The following HTR3B variants were observed in gnomAD, a reference collection of about 807,000 sequenced individuals.
HTR3B encodes 5-hydroxytryptamine receptor 3B.
HTR3B carries 44 observed loss-of-function variants against 42.8 expected under a neutral mutation model. The observed-to-expected ratio is 1.03, with a 90% CI of 0.81 to 1.32. HTR3B has a LOEUF of 1.32. Among genes scored for constraint, HTR3B ranks in the 40% most tolerant of loss-of-function variants. The pLI is 0.00. For synonymous variants in HTR3B, 203 were observed against 209.0 expected, an observed-to-expected ratio of 0.97 and a Z score of 0.25; for missense variants, 527 against 536.5, an observed-to-expected ratio of 0.98 and a Z score of 0.17.
At chr11:113,923,821 T>G (rs1489708985) in intron 2 of HTR3B, among the ~76,000 whole-genome samples, 1 of 152,158 alleles carries the variant, frequency 6.6e-6, no homozygotes, top group Admixed American at 6.5e-5. Context: ...AAAAAAAGAT[T>G]TTAGTTTTAG....
At chr11:113,922,884 T>G (rs1206761390) in intron 2 of HTR3B, among the ~76,000 whole-genome samples, 2 of 152,238 alleles carry the variant, frequency 1.3e-5, no homozygotes, top group African/African-American at 2.4e-5. Context: ...GCACAGTTAT[T>G]TGTTAAAATG....
chr11:113,942,167 G>T (rs1184412), intron 6 of HTR3B, among the ~76,000 whole-genome samples: 1 of 151,992 alleles, frequency 6.6e-6, no homozygotes, highest in African/African-American at 2.4e-5. Context: ...GTCAGGAGTT[G>T]GAGACCAGCC....
intron 1 of HTR3B, chr11:113,908,934 C>T (rs1397106289): frequency 1.6e-5 from 5 of 313,034 alleles, no homozygotes; most frequent in African/African-American, 8.5e-5. Flanking sequence ...TAAGTTTTGG[C>T]TAAGTGTGTA....
intron 2 of HTR3B, among the ~76,000 whole-genome samples, chr11:113,920,880 T>A (rs1415048339): frequency 6.6e-6 from 1 of 151,984 alleles, no homozygotes; most frequent in Non-Finnish European, 1.5e-5. Flanking sequence ...TGGTGCAATC[T>A]CGGCTCACTG....
In HTR3B at chr11:113,931,395, T is replaced by C; in HGVS notation, c.225T>C (p.Asn75=). 1.2e-6 allele frequency: 2 copies of C among 1,602,016 alleles called. No individual in the cohort carries two copies. The highest frequency in any genetic ancestry group is 1.7e-6 in the Non-Finnish European group (2 of 1,173,756). ...TTTTTGCCTTGCAGGATGCAGAGAA[T>C]CAAATATTAAAGACAAGTGTATGGT... is the stretch of plus-strand genomic sequence containing the variant. ...VHAILDVDAE[N]QILKTSVWYQ... is the part of the protein sequence containing the mutation. The change falls in exon 3 of 9, where the codon AAT becomes AAC. Residue 75 remains asparagine, a synonymous_variant. Coordinates refer to ENST00000260191, the MANE Select transcript of HTR3B (RefSeq NM_006028.5).
chr11:113,940,981 T>C (rs1282950778), intron 6 of HTR3B, among the ~76,000 whole-genome samples: 1 of 152,204 alleles, frequency 6.6e-6, no homozygotes, highest in Non-Finnish European at 1.5e-5. Context: ...TGGGGGCACA[T>C]CCCAGCTCTG....
chr11:113,945,899 C>G lies in HTR3B; in HGVS notation c.1091-3C>G, dbSNP rs1021750270. The G allele has an allele frequency of 4.1e-5, 66 of 1,611,210 alleles. No homozygotes were observed. Among genetic ancestry groups the G allele is most frequent in the Non-Finnish European group, 5.4e-5 (63 of 1,177,488 alleles). On this transcript the variant is annotated splice_region_variant and splice_polypyrimidine_tract_variant and intron_variant, in intron 8 of 8. Coordinates refer to ENST00000260191, the MANE Select transcript of HTR3B (RefSeq NM_006028.5). ...ACCCAGGGTGTTTTCCTCCATCACA[C>G]AGAGTCCTCGCTGTATGGAGAGCAC...
chr11:113,938,057 G>A (rs1950105244), intron 6 of HTR3B, among the ~76,000 whole-genome samples: 1 of 151,970 alleles, frequency 6.6e-6, no homozygotes, highest in African/African-American at 2.4e-5. Context: ...ATCTTCACAT[G>A]GCCTTCTCCT....
chr11:113,905,064 T>G (rs1465669198), intron 1 of HTR3B, 79 bp downstream of exon 1: 1 of 967,402 alleles, frequency 1.0e-6, no homozygotes, highest in Non-Finnish European at 1.6e-6. Flanking sequence ...TACACCGTAC[T>G]GTAGGACTTC....
rs1385244808 is a variant in HTR3B at position 113,933,032 on chromosome 11, TG to T, written c.636del (p.Ser213ProfsTer22). ...GACAGTGAGTGGGAACTTCTATCTG[TG>T]TCCTCCACATACAGCATCCTGCAGA... ...LNDSEWELLS[V>X]SSTYSILQSS... On this transcript the variant is annotated frameshift_variant, in exon 6 of 9. Transcript: ENST00000260191. LOFTEE classifies it high-confidence loss of function. 1 of 1,614,038 alleles carries T rather than the reference TG, an allele frequency of 6.2e-7. No homozygotes were observed.
chr11:113,909,510 C>T (rs1949766045), intron 2 of HTR3B, 55 bp downstream of exon 2: 7 of 1,433,544 alleles, frequency 4.9e-6, no homozygotes, highest in Non-Finnish European at 5.8e-6. Flanking sequence ...AAACAGTCTG[C>T]AGTTCATGCA....
At chr11:113,936,688 G>A (rs183122378) in intron 6 of HTR3B, among the ~76,000 whole-genome samples, 1 of 152,186 alleles carries the variant, frequency 6.6e-6, no homozygotes, top group Non-Finnish European at 1.5e-5. Context: ...TCTGACTCCG[G>A]TGCTTAAATG....
At chr11:113,909,984 CAAAAAAAAAAAA>C (rs1178070726) in intron 2 of HTR3B, among the ~76,000 whole-genome samples, 1 of 39,006 alleles carries the variant, frequency 2.6e-5, no homozygotes, top group African/African-American at 1.0e-4. Flanking sequence ...ACCTTGTCTC[CAAAAAAAAAAAA>C]AAAAAAAAAA....
intron 2 of HTR3B, among the ~76,000 whole-genome samples, chr11:113,919,897 C>G (rs1398350873): frequency 6.6e-6 from 1 of 151,864 alleles, no homozygotes; most frequent in African/African-American, 2.4e-5. Context: ...ATTTTTTTTC[C>G]TTTTTACTGA....
chr11:113,910,869 G>A (rs1234592413), intron 2 of HTR3B, among the ~76,000 whole-genome samples: 5 of 141,548 alleles, frequency 3.5e-5, no homozygotes, highest in Admixed American at 7.4e-5. Context: ...TCGCTCTGTC[G>A]CCCAGGCTGA....
At chr11:113,922,748 G>T (rs978169747) in intron 2 of HTR3B, among the ~76,000 whole-genome samples, 1 of 151,528 alleles carries the variant, frequency 6.6e-6, no homozygotes. Context: ...GTAGAGACGG[G>T]GTTTCACCAT....
At position 113,947,109 on chromosome 11, in the gene HTR3B, C is replaced by CTT. The variant is rs538527578; in HGVS notation, c.*984_*985dup. On this transcript the variant is annotated 3_prime_UTR_variant, in exon 9 of 9. Transcript: ENST00000260191. Reference sequence around the variant, plus strand: ...GGAGAGAACCCAGGTGCCAAGGCTTCTTTTTTTTTTTTTGAGGCAGAGTCT... The same window carrying CTT: ...GGAGAGAACCCAGGTGCCAAGGCTTCTTTTTTTTTTTTTTTGAGGCAGAGTCT... 2.2e-4 allele frequency among the ~76,000 whole-genome samples: 32 copies of CTT among 145,402 alleles called. No homozygotes were observed. The highest frequency in any genetic ancestry group is 5.3e-4 in the African/African-American group (21 of 39,972).
In HTR3B at chr11:113,932,953, G is replaced by A; in HGVS notation, c.556G>A (p.Ala186Thr). Reference sequence around the variant, plus strand: ...GTTTGCAGTGGAAGACGTAGACCTGGCCTTTCTGAGGAGCCCAGAAGACAT... The same window carrying A: ...GTTTGCAGTGGAAGACGTAGACCTGACCTTTCTGAGGAGCCCAGAAGACAT... The part of the protein sequence containing the change: ...ILHTVEDVDL[A>T]FLRSPEDIQH... Residue 186 changes from alanine to threonine, a missense_variant, in exon 6 of 9, where the codon GCC becomes ACC. Transcript: ENST00000260191. The A allele has an allele frequency of 6.2e-7, 1 of 1,614,090 alleles. No individual in the cohort carries two copies. Among genetic ancestry groups the A allele is most frequent in the Non-Finnish European group, 8.5e-7 (1 of 1,180,000 alleles).
chr11:113,928,427 A>G (rs1455739593), intron 2 of HTR3B, among the ~76,000 whole-genome samples: 1 of 152,124 alleles, frequency 6.6e-6, no homozygotes, highest in Non-Finnish European at 1.5e-5. Flanking sequence ...TCAGTACTCT[A>G]GGTACCTCAT....
Sources: gnomAD v4.1 joint callset for allele counts (sites outside exome capture counted in the v4.1 genomes callset) on GRCh38, gnomAD v4.1.1 for gene constraint, MANE v1.5 for transcripts, NCBI Gene and HGNC (gene_info 2026-07-23, HGNC 2026-07-21) for gene names.